The following CNGB3 variants were observed in gnomAD, a reference collection of about 807,000 sequenced individuals.
The protein encoded by CNGB3 is cyclic nucleotide-gated channel beta-3.
CNGB3 carries 86 observed loss-of-function variants against 92.8 expected under a neutral mutation model. The observed-to-expected ratio is 0.93, with a 90% confidence interval of 0.78 to 1.11. The LOEUF is 1.11. Ranked by LOEUF, CNGB3 falls within the 50% of genes least tolerant of loss-of-function variation. The pLI is 0.00. For missense variants in CNGB3, 1,026 were observed against 956.8 expected (o/e 1.07, Z -0.95); for synonymous variants, 333 against 332.7 (o/e 1.00, Z -0.01).
chr8:86,587,922 C>T (rs1273065354), intron 15 of CNGB3, among the ~76,000 whole-genome samples: 2 of 151,956 alleles, frequency 1.3e-5, no homozygotes, highest in African/African-American at 2.4e-5. Flanking sequence ...TGTAAATTAC[C>T]TTGGGCAGTA....
chr8:86,652,560 C>A (rs143128190), intron 7 of CNGB3, among the ~76,000 whole-genome samples: 316 of 152,000 alleles, frequency 2.1e-3, no homozygotes, highest in Middle Eastern at 6.8e-3. Context: ...ATTATATAAG[C>A]TTTTTTCTAT....
chr8:86,730,959 A>G (rs1182426245), intron 2 of CNGB3, among the ~76,000 whole-genome samples: 1 of 152,224 alleles, frequency 6.6e-6, no homozygotes, highest in Non-Finnish European at 1.5e-5. Context: ...AATCCAGAGA[A>G]GGACTCAGAA....
chr8:86,683,549 G>T (rs1480443278), intron 3 of CNGB3, among the ~76,000 whole-genome samples: 1 of 152,146 alleles, frequency 6.6e-6, no homozygotes, highest in African/African-American at 2.4e-5. Context: ...TCCTTAAGAT[G>T]CAAACAGATG....
chr8:86,600,028 C>G (rs939379136), intron 15 of CNGB3, among the ~76,000 whole-genome samples: 2 of 152,128 alleles, frequency 1.3e-5, no homozygotes, highest in African/African-American at 4.8e-5. Context: ...CCTGGACACC[C>G]AACTTTAAAA....
chr8:86,653,443 G>T (rs1229139891), intron 7 of CNGB3, among the ~76,000 whole-genome samples: 3 of 151,962 alleles, frequency 2.0e-5, no homozygotes, highest in African/African-American at 7.2e-5. Flanking sequence ...CTAAAGAATT[G>T]TCTTTGAAGT....
rs7000747 is a variant in CNGB3 at position 86,604,083 on chromosome 8, T to A, written c.1781+10A>T. ...TGGACTTCAATATTTATGAAGTATCTTTCAGATACCTGATTTCTCCAAACA... is the reference window on the plus strand; with the variant it reads ...TGGACTTCAATATTTATGAAGTATCATTCAGATACCTGATTTCTCCAAACA... On this transcript the variant is annotated intron_variant, in intron 15 of 17. Coordinates refer to ENST00000320005, the MANE Select transcript of CNGB3 (RefSeq NM_019098.5). 9.0e-3 allele frequency: 13,953 copies of A among 1,553,838 alleles called. 1,016 individuals are homozygous for A. In the African/African-American group the frequency reaches 0.16, roughly 18 times the overall value.
At chr8:86,678,990 A>G (rs7814724) in intron 3 of CNGB3, among the ~76,000 whole-genome samples, 135,805 of 152,112 alleles carry the variant, frequency 0.89, 60,909 homozygotes, top group East Asian at 1. Context: ...TTGGGAGTAG[A>G]AAATTAACAA....
Position 86,693,866 on chromosome 8 carries a change from C to A in CNGB3, c.339-22768G>T, listed in dbSNP as rs557429641. Among the ~76,000 whole-genome samples, 239 of 152,314 alleles carry A rather than the reference C, an allele frequency of 1.6e-3. 1 individual carries two copies. Among genetic ancestry groups the A allele is most frequent in the African/African-American group, 5.6e-3 (234 of 41,580 alleles). On this transcript the variant is annotated intron_variant, in intron 3 of 17. Coordinates refer to ENST00000320005, the MANE Select transcript of CNGB3 (RefSeq NM_019098.5). ...ACTTCTCTCTACACAGACACGGCAA[C>A]CATCCGACCTCTCAATCTTTTCCCC... is the stretch of plus-strand genomic sequence containing the variant.
chr8:86,653,929 T>C (rs1823452678), intron 7 of CNGB3, 83 bp downstream of exon 7: 1 of 959,134 alleles, frequency 1.0e-6, no homozygotes, highest in Middle Eastern at 2.1e-4. Flanking sequence ...GTACAAACTT[T>C]GTTTATAGAA....
chr8:86,690,438 T>G (rs564584973), intron 3 of CNGB3, among the ~76,000 whole-genome samples: 1 of 152,184 alleles, frequency 6.6e-6, no homozygotes, highest in Non-Finnish European at 1.5e-5. Flanking sequence ...GTTTAAGTTC[T>G]TTGTAGATTC....
intron 3 of CNGB3, among the ~76,000 whole-genome samples, chr8:86,720,774 A>G (rs1415621719): frequency 4.0e-5 from 6 of 151,370 alleles, no homozygotes; most frequent in Non-Finnish European, 5.9e-5. Flanking sequence ...ATGAGTAAAT[A>G]AAGTGTGATA....
intron 6 of CNGB3, among the ~76,000 whole-genome samples, chr8:86,655,858 A>T (rs1210160739): frequency 1.3e-5 from 2 of 152,166 alleles, no homozygotes; most frequent in African/African-American, 4.8e-5. Flanking sequence ...TGTTTCACTT[A>T]TATGTAGTAA....
intron 3 of CNGB3, among the ~76,000 whole-genome samples, chr8:86,689,106 G>A (rs1228875299): frequency 6.7e-6 from 1 of 149,794 alleles, no homozygotes; most frequent in Non-Finnish European, 1.5e-5. Context: ...GTTATTGATT[G>A]TCAGTTTTAT....
chr8:86,743,255 G>A (rs990281839), intron 1 of CNGB3, among the ~76,000 whole-genome samples: 3 of 152,318 alleles, frequency 2.0e-5, no homozygotes, highest in East Asian at 1.9e-4. Context: ...GTGAAAATCA[G>A]CAATGAGAAG....
chr8:86,643,809 C>A lies in CNGB3; in HGVS notation c.1120G>T (p.Ala374Ser). The A allele has an allele frequency of 6.2e-7, 1 of 1,606,538 alleles. No individual in the cohort carries two copies. Among genetic ancestry groups the A allele is most frequent in the South Asian group, 1.1e-5 (1 of 90,838 alleles). Reference sequence around the variant, plus strand: ...GTGCCAATTCCTTCATAGTTTGAAGCCCAGTAATAAACACAGGCATTAATG... The same window carrying A: ...GTGCCAATTCCTTCATAGTTTGAAGACCAGTAATAAACACAGGCATTAATG... ...LHINACVYYW[A>S]SNYEGIGTTR... Residue 374 changes from alanine to serine, a missense_variant, in exon 10 of 18, where the codon GCT becomes TCT. Transcript: ENST00000320005.
intron 6 of CNGB3, chr8:86,659,005 G>T (rs1823575146): frequency 1.9e-6 from 2 of 1,036,756 alleles, no homozygotes; most frequent in South Asian, 1.3e-5. Flanking sequence ...AGACCCTCCA[G>T]CTCCTTCCGC....
chr8:86,661,557 C>G, intron 6 of CNGB3: 1 of 720,906 alleles, frequency 1.4e-6, no homozygotes, highest in East Asian at 2.7e-5. Context: ...CTAATTTTCT[C>G]TAATGTTGCC....
chr8:86,575,821 C>A lies in CNGB3; in HGVS notation c.2413G>T (p.Glu805Ter). ...GEEVLTIEVK[E>*]KAKQ ...TCAAACATTTATTGCTTAGCCTTTT[C>A]TTTGACTTCAATAGTAAGAACCTCT... The change falls in exon 18 of 18, where the codon GAA (glutamate) becomes TAA (stop). Residue 805 changes from glutamate to a stop codon, truncating the protein, a stop_gained. Transcript: ENST00000320005. LOFTEE classifies it high-confidence loss of function. 6.2e-7 allele frequency: 1 copy of A among 1,613,836 alleles called. No individual in the cohort carries two copies. Among genetic ancestry groups the A allele is most frequent in the Non-Finnish European group, 8.5e-7 (1 of 1,179,872 alleles).
Position 86,632,786 on chromosome 8 carries a change from G to C in CNGB3, c.1286C>G (p.Ser429Cys). The C allele has an allele frequency of 6.2e-7, 1 of 1,612,528 alleles. No individual in the cohort carries two copies. Among genetic ancestry groups the C allele is most frequent in the Non-Finnish European group, 8.5e-7 (1 of 1,179,600 alleles). Residue 429 changes from serine to cysteine, a missense_variant, in exon 11 of 18, where the codon TCT becomes TGT. Ser to Cys is a moderately radical substitution (Grantham distance 112). Transcript: ENST00000320005. ...EIVFQLLNFFSGVFVFSSLIG... is the reference protein window; with the variant it reads ...EIVFQLLNFFCGVFVFSSLIG... ...TAAACTGGAGAACACAAAAACTCCA[G>C]AAAAAAAATTCAAGAGTTGAAAAAC...
Sources: allele counts gnomAD v4.1 joint callset (sites outside exome capture counted in the v4.1 genomes callset), GRCh38; gene constraint gnomAD v4.1.1; transcripts MANE v1.5; gene names NCBI Gene and HGNC (gene_info 2026-07-23, HGNC 2026-07-21).